MIS18BP1: variants seen among roughly 807,000 people sequenced by gnomAD.
The protein encoded by MIS18BP1 is mis18-binding protein 1.
Under a neutral mutation model 116.1 loss-of-function variants are expected in MIS18BP1, and 72 were observed. That is an observed-to-expected ratio of 0.62 (90% CI 0.51 to 0.75). The LOEUF (loss-of-function observed/expected upper bound fraction) is 0.75. Among genes scored for constraint, MIS18BP1 ranks in the 30% least tolerant of loss-of-function variants. MIS18BP1 has a pLI of 0.00. For missense variants in MIS18BP1, 1,363 were observed against 1,303.2 expected (o/e 1.05, Z -0.71); for synonymous variants, 386 against 427.0 (o/e 0.90, Z 1.18).
Position 45,242,380 on chromosome 14 carries a change from T to C in MIS18BP1, c.797A>G (p.Asp266Gly), listed in dbSNP as rs779151387. 1.9e-6 allele frequency: 3 copies of C among 1,614,104 alleles called. No individual in the cohort carries two copies. Among genetic ancestry groups the C allele is most frequent in the South Asian group, 1.1e-5 (1 of 91,074 alleles). Residue 266 changes from aspartate (D) to glycine (G), a missense_variant, in exon 4 of 17, where the codon GAC becomes GGC. Transcript: ENST00000310806. ...ATCAACGCTTTCTAAAACAAACGTGTCCTTTTTGGATTTAGTGGTTGCAAC... is the reference window on the plus strand; with the variant it reads ...ATCAACGCTTTCTAAAACAAACGTGCCCTTTTTGGATTTAGTGGTTGCAAC... ...SIVATTKSKK[D>G]TFVLESVDSA...
chr14:45,252,767 TAAAAAA>T (rs35727165), intron 1 of MIS18BP1, among the ~76,000 whole-genome samples: 1 of 135,590 alleles, frequency 7.4e-6, no homozygotes, highest in African/African-American at 2.6e-5. Flanking sequence ...CTTGGTATTC[TAAAAAA>T]AAAAAAAAAA....
intron 6 of MIS18BP1, among the ~76,000 whole-genome samples, chr14:45,233,286 T>C (rs1891338868): frequency 6.6e-6 from 1 of 152,112 alleles, no homozygotes; most frequent in Non-Finnish European, 1.5e-5. Flanking sequence ...GAGTCCAGTA[T>C]ACTTGAAGTG....
chr14:45,210,660 T>A, intron 13 of MIS18BP1, 132 bp from the exon 14 acceptor site: 1 of 1,064,214 alleles, frequency 9.4e-7, no homozygotes, highest in Non-Finnish European at 1.4e-6. Flanking sequence ...AAAACAGTAG[T>A]ACGTAGAGGA....
rs775694860 is a variant in MIS18BP1, at chr14:45,232,833, AAACAAC to A, written c.1349-19_1349-14del. 15 of 1,193,126 alleles carry A rather than the reference AAACAAC, an allele frequency of 1.3e-5. No individual in the cohort carries two copies. The highest frequency in any genetic ancestry group is 1.8e-5 in the Non-Finnish European group (15 of 833,962). 73.9% of individuals were successfully genotyped at this position (1,193,126 alleles called of 1,614,324 possible). On this transcript the variant is annotated splice_polypyrimidine_tract_variant and intron_variant, in intron 6 of 16. Transcript: ENST00000310806. ...TAATTTGGATATCCTATTTAAGGAT[AAACAAC>A]AACAAAAAGTATTTAAAAGCCTAGA...
At chr14:45,214,913 G>C (rs1021387291) in intron 13 of MIS18BP1, among the ~76,000 whole-genome samples, 1 of 152,102 alleles carries the variant, frequency 6.6e-6, no homozygotes, top group Admixed American at 6.5e-5. Context: ...CACCATGCCA[G>C]CTAATTTTTG....
intron 4 of MIS18BP1, among the ~76,000 whole-genome samples, chr14:45,240,759 G>A (rs1026713786): frequency 5.3e-5 from 8 of 151,866 alleles, no homozygotes; most frequent in Admixed American, 3.3e-4. Flanking sequence ...AAATTTAGCC[G>A]GGCATGGCAG....
At chr14:45,250,084 G>C (rs931157886) in intron 1 of MIS18BP1, 4 of 152,130 alleles carry the variant, frequency 2.6e-5, no homozygotes, top group African/African-American at 4.8e-5. Context: ...TTGTGGTCAC[G>C]TTGAAAGGCT....
intron 2 of MIS18BP1, among the ~76,000 whole-genome samples, chr14:45,243,766 T>A (rs1354917997): frequency 1.3e-5 from 2 of 152,110 alleles, no homozygotes; most frequent in African/African-American, 4.8e-5. Context: ...AGTAATTCAA[T>A]CAAATGCAAT....
In MIS18BP1 at chr14:45,242,775, T is replaced by A. The variant is rs1397664845; in HGVS notation, c.644A>T (p.His215Leu). ...QCQQEKKAPLHNLTYELPTLN... is the reference protein window; with the variant it reads ...QCQQEKKAPLLNLTYELPTLN... ...AAATAGTTTACCGTAAGTTAAATTG[T>A]GCAGTGGTGCTTTCTTTTCCTGCTG... Residue 215 changes from histidine to leucine, a missense_variant, in exon 3 of 17, where the codon CAC becomes CTC. Coordinates refer to ENST00000310806, the MANE Select transcript of MIS18BP1 (RefSeq NM_018353.5). 2.5e-6 allele frequency: 4 copies of A among 1,609,492 alleles called. No homozygotes were observed. The highest frequency in any genetic ancestry group is 3.4e-6 in the Non-Finnish European group (4 of 1,177,878).
At chr14:45,245,827 C>T (rs1891708212) in intron 2 of MIS18BP1, among the ~76,000 whole-genome samples, 1 of 152,184 alleles carries the variant, frequency 6.6e-6, no homozygotes, top group African/African-American at 2.4e-5. Flanking sequence ...CTTTTCTCAC[C>T]TTGATCACTT....
intron 7 of MIS18BP1, 175 bp downstream of exon 7, chr14:45,232,558 G>T: frequency 1.7e-6 from 1 of 587,960 alleles, no homozygotes; most frequent in Non-Finnish European, 3.1e-6. Context: ...ACTTTGGGAG[G>T]CTGAGACAGG....
rs1890440277 is a variant in MIS18BP1 at position 45,204,060 on chromosome 14, ACTGT to A, written c.*45_*48del. On this transcript the variant is annotated 3_prime_UTR_variant, in exon 17 of 17. Transcript: ENST00000310806. ...ATGTACTCCAGTTGAAAATACAAAC[ACTGT>A]CTGCTTTATGGTAAAAATCCCAGGA... 4 of 1,582,362 alleles carry A rather than the reference ACTGT, an allele frequency of 2.5e-6. No homozygotes were observed. The South Asian group carries it at 3.5e-5, about 14-fold the overall frequency.
At position 45,246,920 on chromosome 14, in the gene MIS18BP1, G is replaced by A. The variant is rs1026386441; in HGVS notation, c.367C>T (p.Leu123=). The A allele has an allele frequency of 1.3e-5, 21 of 1,604,392 alleles. No homozygotes were observed. Among genetic ancestry groups the A allele is most frequent in the Non-Finnish European group, 1.8e-5 (21 of 1,177,924 alleles). The change falls in exon 2 of 17, where the codon CTG becomes TTG. Residue 123 remains leucine, a synonymous_variant. Coordinates refer to ENST00000310806, the MANE Select transcript of MIS18BP1 (RefSeq NM_018353.5). ...GATGGCTGTTCTTGCTTGTCACGCA[G>A]TACTTTTTCTTTCATTCTTAGAAAT... ...KIFLRMKEKV[L]RDKQEQPSRN... is the part of the protein sequence containing the mutation.
Position 45,227,649 on chromosome 14 carries a change from C to T in MIS18BP1, c.1746+14G>A, listed in dbSNP as rs979798785. On this transcript the variant is annotated intron_variant, in intron 9 of 16. Coordinates refer to ENST00000310806, the MANE Select transcript of MIS18BP1 (RefSeq NM_018353.5). ...ATATCAACTTGAACTATACAGTGTA[C>T]AATAAAGCCTTACCTGATTAGATAA... is the stretch of plus-strand genomic sequence containing the variant. The T allele has an allele frequency of 2.2e-5, 36 of 1,606,290 alleles. No individual in the cohort carries two copies. The highest frequency in any genetic ancestry group is 3.1e-5 in the Non-Finnish European group (36 of 1,173,848).
chr14:45,242,582 A>T (rs1242192814), intron 3 of MIS18BP1, 64 bp from the exon 4 acceptor site: 1 of 1,513,370 alleles, frequency 6.6e-7, no homozygotes, highest in East Asian at 2.3e-5. Flanking sequence ...AAATTAAAAG[A>T]GATAAATTTA....
intron 1 of MIS18BP1, among the ~76,000 whole-genome samples, chr14:45,250,581 T>C (rs1037569938): frequency 6.6e-6 from 1 of 152,214 alleles, no homozygotes. Context: ...CTGGAGAAAG[T>C]ATGTTTCCGT....
At chr14:45,245,649 C>T (rs958543045) in intron 2 of MIS18BP1, among the ~76,000 whole-genome samples, 6 of 152,158 alleles carry the variant, frequency 3.9e-5, no homozygotes, top group Non-Finnish European at 4.4e-5. Context: ...TGGGCATGAG[C>T]CACCGTGCCC....
intron 4 of MIS18BP1, chr14:45,241,707 G>A: frequency 4.8e-6 from 1 of 208,246 alleles, no homozygotes; most frequent in Non-Finnish European, 9.6e-6. Flanking sequence ...TAATAGTACT[G>A]TAAGTATCAG....
At chr14:45,226,252 T>C (rs146985150) in intron 10 of MIS18BP1, among the ~76,000 whole-genome samples, 1,761 of 152,280 alleles carry the variant, frequency 0.012, 19 homozygotes, top group Non-Finnish European at 0.019. Flanking sequence ...TTCTTCACTT[T>C]CACTTCTTTT....
Sources: gnomAD v4.1 joint callset for allele counts (sites outside exome capture counted in the v4.1 genomes callset) on GRCh38, gnomAD v4.1.1 for gene constraint, MANE v1.5 for transcripts, NCBI Gene and HGNC (gene_info 2026-07-23, HGNC 2026-07-21) for gene names.